The following ARHGAP24 variants were observed in gnomAD, a reference collection of about 807,000 sequenced individuals.
ARHGAP24 encodes Rho GTPase activating protein 24, also known as rho GTPase-activating protein 24.
In ARHGAP24, 50 loss-of-function variants were observed where a neutral mutation model predicts 76.4. The observed-to-expected ratio is 0.65, with a 90% CI of 0.52 to 0.83. ARHGAP24 has a LOEUF of 0.83. Among genes scored for constraint, ARHGAP24 ranks in the 40% least tolerant of loss-of-function variants. ARHGAP24 has a pLI of 0.00. For synonymous variants in ARHGAP24, 345 were observed against 323.3 expected, an observed-to-expected ratio of 1.07 and a Z score of -0.72; for missense variants, 930 against 914.2, an observed-to-expected ratio of 1.02 and a Z score of -0.22.
At chr4:85,658,252 A>G (rs1032424960) in intron 2 of ARHGAP24, among the ~76,000 whole-genome samples, 2 of 152,150 alleles carry the variant, frequency 1.3e-5, no homozygotes, top group Admixed American at 6.5e-5. Flanking sequence ...CTGCCTTCCC[A>G]CTTCATTTTT....
chr4:85,690,745 A>T (rs6531851), intron 2 of ARHGAP24, among the ~76,000 whole-genome samples: 1 of 141,146 alleles, frequency 7.1e-6, no homozygotes, highest in South Asian at 2.2e-4. Flanking sequence ...CTAGCCAGTG[A>T]TCTGTCAATC....
chr4:85,954,587 C>T (rs752520090), intron 5 of ARHGAP24, among the ~76,000 whole-genome samples: 22 of 152,182 alleles, frequency 1.4e-4, no homozygotes, highest in Non-Finnish European at 2.6e-4. Flanking sequence ...CCTTCGGCAG[C>T]ACATATACTA....
intron 3 of ARHGAP24, among the ~76,000 whole-genome samples, chr4:85,759,873 A>T (rs759861583): frequency 3.9e-5 from 6 of 152,186 alleles, no homozygotes; most frequent in Non-Finnish European, 7.4e-5. Context: ...ACCACTTAGG[A>T]TGTGAACAAA....
At chr4:85,954,593 T>C (rs958026906) in intron 5 of ARHGAP24, among the ~76,000 whole-genome samples, 2 of 152,258 alleles carry the variant, frequency 1.3e-5, no homozygotes, top group Non-Finnish European at 2.9e-5. Context: ...GCAGCACATA[T>C]ACTAAAATTG....
At chr4:85,668,011 A>T (rs28454938) in intron 2 of ARHGAP24, among the ~76,000 whole-genome samples, 51,172 of 152,142 alleles carry the variant, frequency 0.34, 9,635 homozygotes, top group East Asian at 0.84. Flanking sequence ...ATAAATATTA[A>T]AAGTCTTGTA....
chr4:85,715,941 A>G (rs1724718016), intron 2 of ARHGAP24, among the ~76,000 whole-genome samples: 1 of 152,080 alleles, frequency 6.6e-6, no homozygotes, highest in Non-Finnish European at 1.5e-5. Flanking sequence ...ACCAACTTAT[A>G]TCGTTTTAAT....
chr4:85,752,787 G>A (rs1193806477), intron 3 of ARHGAP24, among the ~76,000 whole-genome samples: 3 of 152,136 alleles, frequency 2.0e-5, no homozygotes, highest in East Asian at 1.9e-4. Flanking sequence ...TGTGTGTTAC[G>A]AGAGAAGACA....
chr4:85,816,202 A>C (rs1040608958), intron 3 of ARHGAP24, among the ~76,000 whole-genome samples: 1 of 152,196 alleles, frequency 6.6e-6, no homozygotes, highest in Admixed American at 6.5e-5. Flanking sequence ...CTTCAAGTAC[A>C]CACTAGAGTG....
chr4:85,794,101 T>C (rs181855817), intron 3 of ARHGAP24, among the ~76,000 whole-genome samples: 1 of 152,334 alleles, frequency 6.6e-6, no homozygotes, highest in Admixed American at 6.5e-5. Flanking sequence ...TAAAACTATA[T>C]ATTCTGGAAC....
intron 2 of ARHGAP24, among the ~76,000 whole-genome samples, chr4:85,606,341 G>A (rs1383838732): frequency 4.6e-5 from 7 of 152,066 alleles, no homozygotes; most frequent in African/African-American, 1.7e-4. Context: ...GCGAAACCCT[G>A]TCTCTACTAA....
In ARHGAP24 at chr4:85,995,021, G is replaced by A. The variant is rs750506932; in HGVS notation, c.1367G>A (p.Ser456Asn). Residue 456 changes from serine (S) to asparagine (N), a missense_variant, in exon 9 of 10, where the codon AGC becomes AAC. Ser to Asn is a conservative substitution (Grantham distance 46). Coordinates refer to ENST00000395184, the MANE Select transcript of ARHGAP24 (RefSeq NM_001025616.3). ...AAAACCCAAACCACCCCCAATGGGA[G>A]CCTACAGGCCAGAAGGAGCTCTTCA... Reference protein sequence around the residue: ...LEKTQTTPNGSLQARRSSSLK... With the variant: ...LEKTQTTPNGNLQARRSSSLK... The A allele has an allele frequency of 3.7e-6, 6 of 1,614,070 alleles. No homozygotes were observed. Among genetic ancestry groups the A allele is most frequent in the Non-Finnish European group, 5.1e-6 (6 of 1,180,028 alleles).
intron 3 of ARHGAP24, among the ~76,000 whole-genome samples, chr4:85,805,638 G>C (rs1341725077): frequency 6.6e-6 from 1 of 152,148 alleles, no homozygotes; most frequent in Non-Finnish European, 1.5e-5. Context: ...ACTAGCAAAG[G>C]CTTTATGGCT....
At position 85,890,598 on chromosome 4, in the gene ARHGAP24, G is replaced by T. The variant is rs146313805; in HGVS notation, c.269-33050G>T. 1.7e-3 allele frequency among the ~76,000 whole-genome samples: 252 copies of T among 152,234 alleles called. 1 individual carries two copies. The highest frequency in any genetic ancestry group is 5.4e-3 in the African/African-American group (226 of 41,544). On this transcript the variant is annotated intron_variant, in intron 3 of 9. Transcript: ENST00000395184. ...TTAAGTTTGAATAGAAATTTTACAAGGAAATAAAGAGGTGCAGGAGGGAAC... is the reference window on the plus strand; with the variant it reads ...TTAAGTTTGAATAGAAATTTTACAATGAAATAAAGAGGTGCAGGAGGGAAC...
chr4:85,887,790 A>G (rs1159520146), intron 3 of ARHGAP24, among the ~76,000 whole-genome samples: 2 of 152,178 alleles, frequency 1.3e-5, no homozygotes, highest in Admixed American at 6.5e-5. Flanking sequence ...TACTTATGTC[A>G]TGTACCTATG....
At chr4:85,576,345 G>A (rs1464608909) in intron 2 of ARHGAP24, among the ~76,000 whole-genome samples, 1 of 152,016 alleles carries the variant, frequency 6.6e-6, no homozygotes. Context: ...CAGGAAAATG[G>A]CGCGAACCCG....
chr4:85,888,061 G>C (rs1318824860), intron 3 of ARHGAP24, among the ~76,000 whole-genome samples: 1 of 151,698 alleles, frequency 6.6e-6, no homozygotes, highest in African/African-American at 2.4e-5. Flanking sequence ...TTCAAATGAG[G>C]CCTCATTTGA....
intron 2 of ARHGAP24, among the ~76,000 whole-genome samples, chr4:85,630,774 A>G (rs1467505353): frequency 6.6e-6 from 1 of 151,930 alleles, no homozygotes; most frequent in East Asian, 1.9e-4. Flanking sequence ...AAAATATTTT[A>G]TTTGCTTTTT....
Position 85,718,689 on chromosome 4 carries a change from C to T in ARHGAP24, c.181-3196C>T, listed in dbSNP as rs149841220. Among the ~76,000 whole-genome samples, 767 of 152,184 alleles carry T rather than the reference C, an allele frequency of 5.0e-3. 5 individuals carry two copies. The highest frequency in any genetic ancestry group is 0.017 in the African/African-American group (726 of 41,538). ...CAATTACAGCATATCCTGCCCTAAG[C>T]CTTGTCTGTTGATATTTAAACTACT... On this transcript the variant is annotated intron_variant, in intron 2 of 9. Transcript: ENST00000395184.
At chr4:85,784,957 A>ATCTC (rs1389909158) in intron 3 of ARHGAP24, among the ~76,000 whole-genome samples, 1 of 117,534 alleles carries the variant, frequency 8.5e-6, no homozygotes, top group African/African-American at 3.2e-5. Flanking sequence ...CTATCTATCT[A>ATCTC]TCTCTCTATC....
Sources: gnomAD v4.1 joint callset for allele counts (sites outside exome capture counted in the v4.1 genomes callset) on GRCh38, gnomAD v4.1.1 for gene constraint, MANE v1.5 for transcripts, NCBI Gene and HGNC (gene_info 2026-07-23, HGNC 2026-07-21) for gene names.